Variants in NEDD9 observed in about 807,000 individuals in gnomAD.
The protein encoded by NEDD9 is neural precursor cell expressed, developmentally down-regulated 9.
Under a neutral mutation model 76.6 loss-of-function variants are expected in NEDD9, and 26 were observed. The observed-to-expected ratio is 0.34, with a 90% CI of 0.25 to 0.47. NEDD9 has a LOEUF of 0.47. Among genes scored for constraint, NEDD9 ranks in the 20% least tolerant of loss-of-function variants. The pLI is 1.00. For missense variants in NEDD9, 937 were observed against 1,058.5 expected (o/e 0.89, Z 1.59); for synonymous variants, 392 against 414.2 (o/e 0.95, Z 0.65).
chr6:11,365,872 A>ACC (rs1762754651), intron 1 of NEDD9, among the ~76,000 whole-genome samples: 1 of 151,880 alleles, frequency 6.6e-6, no homozygotes, highest in Admixed American at 6.6e-5. Context: ...GCATCTGTAG[A>ACC]CCCAACTACT....
chr6:11,355,914 G>C (rs1042395802), intron 1 of NEDD9, among the ~76,000 whole-genome samples: 2 of 151,992 alleles, frequency 1.3e-5, no homozygotes, highest in Admixed American at 1.3e-4. Context: ...GTAGAGACGG[G>C]GTTTCACCGT....
At chr6:11,208,879 T>C (rs184012572) in intron 2 of NEDD9, among the ~76,000 whole-genome samples, 8 of 152,370 alleles carry the variant, frequency 5.3e-5, no homozygotes, top group Admixed American at 4.6e-4. Context: ...TTTGAACATT[T>C]GTAGATTTCA....
Position 11,241,162 on chromosome 6 carries a change from G to C in NEDD9, c.13-27435C>G, listed in dbSNP as rs998442396. The stretch of plus-strand genomic sequence containing the variant: ...ATGGACTCTCATGGCTGAAATGAGA[G>C]TGGCCGTCTCCTCTTTCCGGAGGCA... On this transcript the variant is annotated intron_variant, in intron 3 of 3. Transcript: ENST00000397378. The surrounding 1 kb of genome is among the most constrained non-coding windows in gnomAD (Gnocchi z 4.0). 1.3e-5 allele frequency among the ~76,000 whole-genome samples: 2 copies of C among 152,212 alleles called. No homozygotes were observed. Among genetic ancestry groups the C allele is most frequent in the Admixed American group, 1.3e-4 (2 of 15,286 alleles).
intron 3 of NEDD9, among the ~76,000 whole-genome samples, chr6:11,301,030 T>C (rs932214671): frequency 6.6e-6 from 1 of 152,098 alleles, no homozygotes; most frequent in African/African-American, 2.4e-5. Context: ...TAATCTTAAG[T>C]GAAAATGGGC....
chr6:11,341,035 T>C (rs902162971), intron 1 of NEDD9, among the ~76,000 whole-genome samples: 1 of 152,172 alleles, frequency 6.6e-6, no homozygotes, highest in Non-Finnish European at 1.5e-5. Flanking sequence ...CCCTTTCCAT[T>C]GACGTCCCCC....
chr6:11,232,428 A>C, intron 1 of NEDD9, 76 bp downstream of exon 1: 9 of 1,563,284 alleles, frequency 5.8e-6, no homozygotes, highest in Non-Finnish European at 7.9e-6. Flanking sequence ...GACAGTAAGG[A>C]ACACGCATAC....
At chr6:11,242,459 A>T (rs962591310) in intron 3 of NEDD9, among the ~76,000 whole-genome samples, 9 of 151,970 alleles carry the variant, frequency 5.9e-5, no homozygotes, top group African/African-American at 1.9e-4. Flanking sequence ...GAGAGTAGTG[A>T]CAAGAAGAAA....
chr6:11,349,688 A>T (rs1364025983), intron 1 of NEDD9, among the ~76,000 whole-genome samples: 4 of 152,238 alleles, frequency 2.6e-5, no homozygotes, highest in Non-Finnish European at 4.4e-5. Context: ...CAAACACTGC[A>T]TGTTCTTACT....
intron 5 of NEDD9, 151 bp from the exon 6 acceptor site, chr6:11,188,458 CA>C (rs756314181): frequency 1.4e-6 from 1 of 690,412 alleles, no homozygotes; most frequent in Non-Finnish European, 2.5e-6. Flanking sequence ...CCCTAGACGA[CA>C]GGGGTGGCAG....
At chr6:11,355,776 A>T (rs1762554737) in intron 1 of NEDD9, among the ~76,000 whole-genome samples, 1 of 151,940 alleles carries the variant, frequency 6.6e-6, no homozygotes, top group Admixed American at 6.6e-5. Flanking sequence ...GCTGGAGGGC[A>T]GTGGCGCGAT....
chr6:11,209,980 T>G (rs988521494), intron 2 of NEDD9, among the ~76,000 whole-genome samples: 1 of 150,918 alleles, frequency 6.6e-6, no homozygotes, highest in Non-Finnish European at 1.5e-5. Context: ...CTTTTTTTTT[T>G]CCTTAAGTGA....
At chr6:11,279,595 T>G (rs1178856407) in intron 3 of NEDD9, among the ~76,000 whole-genome samples, 1 of 152,230 alleles carries the variant, frequency 6.6e-6, no homozygotes, top group Non-Finnish European at 1.5e-5. Context: ...TATTTCTTTC[T>G]TATGTTTCTC....
At chr6:11,230,603 T>A (rs1048289547) in intron 1 of NEDD9, among the ~76,000 whole-genome samples, 1 of 152,182 alleles carries the variant, frequency 6.6e-6, no homozygotes. Flanking sequence ...GAAAACTTTA[T>A]AAAAAAGGAA....
chr6:11,203,753 AG>A (rs1758522799), intron 2 of NEDD9, among the ~76,000 whole-genome samples: 3 of 152,152 alleles, frequency 2.0e-5, no homozygotes, highest in Admixed American at 1.3e-4. Flanking sequence ...TACAGGACCC[AG>A]GTCTGTCAAA....
chr6:11,223,471 A>G (rs1759206813), intron 1 of NEDD9, among the ~76,000 whole-genome samples: 1 of 143,780 alleles, frequency 7.0e-6, no homozygotes, highest in South Asian at 2.2e-4. Context: ...CCCTTGGAAA[A>G]AAAAACTTCC....
rs756447086 is a variant in NEDD9 at position 11,305,139 on chromosome 6, G to A, written c.12+853C>T. 6.2e-6 allele frequency: 8 copies of A among 1,289,004 alleles called. No individual in the cohort carries two copies. In the Admixed American group the frequency reaches 1.8e-4, roughly 30 times the overall value. 79.8% of individuals were successfully genotyped at this position (1,289,004 alleles called of 1,614,324 possible). On this transcript the variant is annotated intron_variant, in intron 3 of 3. Coordinates refer to the NEDD9 transcript ENST00000397378. The stretch of plus-strand genomic sequence containing the variant: ...CGGTGCCCAGAGCTTTTTTATTTGT[G>A]TGCAGTTGATGGTTGATTCTCTGAG...
At chr6:11,262,577 A>G (rs1466041344) in intron 3 of NEDD9, among the ~76,000 whole-genome samples, 2 of 152,242 alleles carry the variant, frequency 1.3e-5, no homozygotes, top group Admixed American at 6.5e-5. Context: ...AAATATGACT[A>G]TTCTGGAAGC....
At chr6:11,301,228 T>C (rs914068110) in intron 3 of NEDD9, among the ~76,000 whole-genome samples, 1 of 152,110 alleles carries the variant, frequency 6.6e-6, no homozygotes, top group African/African-American at 2.4e-5. Context: ...TAGTCTCTGA[T>C]AAAACAGACT....
At chr6:11,299,381 T>C (rs1760982772) in intron 3 of NEDD9, among the ~76,000 whole-genome samples, 2 of 152,220 alleles carry the variant, frequency 1.3e-5, no homozygotes, top group South Asian at 2.1e-4. Flanking sequence ...CCACCACAGC[T>C]CAGTAAGGCC....
Sources: allele counts gnomAD v4.1 joint callset (sites outside exome capture counted in the v4.1 genomes callset), GRCh38; gene constraint gnomAD v4.1.1; non-coding constraint Gnocchi (gnomAD v3.1); transcripts MANE v1.5; gene names NCBI Gene and HGNC (gene_info 2026-07-23, HGNC 2026-07-21).